FER: variants seen among roughly 807,000 people sequenced by gnomAD.
The protein encoded by FER is FER tyrosine kinase.
A neutral mutation model predicts 111.0 loss-of-function variants in FER; 63 were observed. The observed-to-expected ratio is 0.57, with a 90% CI of 0.46 to 0.70. FER has a LOEUF of 0.70. Among genes scored for constraint, FER ranks in the 30% least tolerant of loss-of-function variants. FER has a pLI of 0.00. For synonymous variants in FER, 327 were observed against 313.9 expected, an observed-to-expected ratio of 1.04 and a Z score of -0.44; for missense variants, 914 against 954.0, an observed-to-expected ratio of 0.96 and a Z score of 0.55.
chr5:109,127,553 G>A (rs1037169434), intron 17 of FER, among the ~76,000 whole-genome samples: 5 of 151,882 alleles, frequency 3.3e-5, no homozygotes, highest in Admixed American at 6.6e-5. Context: ...ACAGGCACGC[G>A]CCACCACATC....
intron 13 of FER, among the ~76,000 whole-genome samples, chr5:108,967,860 A>G (rs1057298483): frequency 5.9e-5 from 9 of 151,778 alleles, no homozygotes; most frequent in African/African-American, 9.7e-5. Flanking sequence ...CAGGCTCTCA[A>G]TGTAGTCCAT....
At chr5:108,898,879 C>T (rs950620322) in intron 10 of FER, among the ~76,000 whole-genome samples, 9 of 151,524 alleles carry the variant, frequency 5.9e-5, no homozygotes, top group African/African-American at 2.2e-4. Flanking sequence ...ACAGAACAGC[C>T]CCTCCCTTCA....
chr5:109,010,549 C>T (rs1766129204), intron 13 of FER, among the ~76,000 whole-genome samples: 1 of 152,162 alleles, frequency 6.6e-6, no homozygotes, highest in Non-Finnish European at 1.5e-5. Flanking sequence ...CAAGGATCAA[C>T]ACCTGGATCT....
At chr5:108,908,346 A>G (rs1164492255) in intron 10 of FER, among the ~76,000 whole-genome samples, 3 of 152,200 alleles carry the variant, frequency 2.0e-5, no homozygotes, top group Non-Finnish European at 4.4e-5. Context: ...GCTGTTAAGA[A>G]TGAAATTGCT....
intron 10 of FER, among the ~76,000 whole-genome samples, chr5:108,928,912 C>T (rs1330856225): frequency 6.6e-6 from 1 of 152,022 alleles, no homozygotes; most frequent in Non-Finnish European, 1.5e-5. Flanking sequence ...AATATTTTAG[C>T]CACATAAGCC....
intron 2 of FER, among the ~76,000 whole-genome samples, chr5:108,777,960 G>A (rs993022568): frequency 6.6e-6 from 1 of 152,210 alleles, no homozygotes; most frequent in African/African-American, 2.4e-5. Context: ...GGAGCTACAA[G>A]ATGAGATTTG....
At chr5:108,788,203 G>A (rs1326814724) in intron 2 of FER, among the ~76,000 whole-genome samples, 1 of 152,204 alleles carries the variant, frequency 6.6e-6, no homozygotes, top group Non-Finnish European at 1.5e-5. Context: ...GCTACGTGTT[G>A]TATGTCTGGT....
At chr5:108,772,044 C>A (rs576344030) in intron 2 of FER, among the ~76,000 whole-genome samples, 1 of 152,142 alleles carries the variant, frequency 6.6e-6, no homozygotes, top group Non-Finnish European at 1.5e-5. Context: ...GCTTGTTCTT[C>A]ATAGTTTGTG....
chr5:108,843,045 A>C (rs1250216394), intron 5 of FER: 1 of 152,218 alleles, frequency 6.6e-6, no homozygotes, highest in African/African-American at 2.4e-5. Flanking sequence ...GGTGTATATA[A>C]GAGTGTATAC....
chr5:109,112,600 A>G (rs1264248842), intron 17 of FER, among the ~76,000 whole-genome samples: 1 of 152,012 alleles, frequency 6.6e-6, no homozygotes, highest in South Asian at 2.1e-4. Flanking sequence ...TCATATTTCC[A>G]TCTTTAACAT....
intron 17 of FER, among the ~76,000 whole-genome samples, chr5:109,115,034 G>T (rs1750061709): frequency 6.6e-6 from 1 of 151,994 alleles, no homozygotes; most frequent in Non-Finnish European, 1.5e-5. Context: ...TAATGGAGAA[G>T]CCAGTAGATA....
chr5:109,147,789 A>G (rs1205697880), intron 17 of FER, among the ~76,000 whole-genome samples: 2 of 105,126 alleles, frequency 1.9e-5, no homozygotes, highest in African/African-American at 7.1e-5. Flanking sequence ...ACATATATAT[A>G]TATATATATA....
At position 109,100,440 on chromosome 5, in the gene FER, A is replaced by G. The variant is rs1022848685; in HGVS notation, c.1969A>G (p.Lys657Glu). The change falls in exon 17 of 20, where the codon AAA (lysine) becomes GAA (glutamate). Residue 657 changes from lysine to glutamate, a missense_variant. Transcript: ENST00000281092. ...TCTGAGAAGGAAGAAGGATGAACTA[A>G]AACTCAAACAGTTAGTGAAATTTTC... ...TFLRRKKDEL[K>E]LKQLVKFSLD... 5.0e-6 allele frequency: 8 copies of G among 1,611,354 alleles called. No homozygotes were observed. The African/African-American group carries it at 9.4e-5, about 19-fold the overall frequency.
At chr5:108,988,852 C>G (rs1762853069) in intron 13 of FER, among the ~76,000 whole-genome samples, 1 of 151,884 alleles carries the variant, frequency 6.6e-6, no homozygotes, top group Admixed American at 6.6e-5. Context: ...GGTTTGGTTT[C>G]TTCTTGTTTC....
At chr5:108,765,694 C>G (rs187220289) in intron 1 of FER, among the ~76,000 whole-genome samples, 7 of 152,214 alleles carry the variant, frequency 4.6e-5, no homozygotes, top group Admixed American at 2.6e-4. Flanking sequence ...GAGACTAGAA[C>G]AGGGAATTCT....
chr5:108,788,200 G>A (rs1464062640), intron 2 of FER, among the ~76,000 whole-genome samples: 1 of 152,214 alleles, frequency 6.6e-6, no homozygotes, highest in African/African-American at 2.4e-5. Flanking sequence ...GAAGCTACGT[G>A]TTGTATGTCT....
intron 10 of FER, among the ~76,000 whole-genome samples, chr5:108,899,836 T>C (rs1177382241): frequency 6.6e-6 from 1 of 151,642 alleles, no homozygotes; most frequent in African/African-American, 2.4e-5. Context: ...TCATCTGGAG[T>C]TTAATATTTC....
intron 17 of FER, among the ~76,000 whole-genome samples, chr5:109,119,002 A>G (rs569741532): frequency 1.7e-4 from 24 of 145,390 alleles, no homozygotes; most frequent in African/African-American, 3.8e-4. Flanking sequence ...TTGTGTCTCT[A>G]TCTCCTTCAG....
In FER at chr5:109,049,647, A is replaced by G. The variant is rs1187964569; in HGVS notation, c.1924+2449A>G. On this transcript the variant is annotated intron_variant, in intron 16 of 19. Transcript: ENST00000281092. Reference sequence around the variant, plus strand: ...ACACATGATCTGATGGACAAGGTCTACATTACATGCAGTGAAGCTGAACAT... The same window carrying G: ...ACACATGATCTGATGGACAAGGTCTGCATTACATGCAGTGAAGCTGAACAT... Among the ~76,000 whole-genome samples, 6 of 152,314 alleles carry G rather than the reference A, an allele frequency of 3.9e-5. No homozygotes were observed. The East Asian group carries it at 9.6e-4, about 24-fold the overall frequency.
Sources: allele counts gnomAD v4.1 joint callset (sites outside exome capture counted in the v4.1 genomes callset), GRCh38; gene constraint gnomAD v4.1.1; transcripts MANE v1.5; gene names NCBI Gene and HGNC (gene_info 2026-07-23, HGNC 2026-07-21).